PRKG1: variants seen among roughly 807,000 people sequenced by gnomAD.
PRKG1 encodes the protein protein kinase cGMP-dependent 1, also known as cGMP-dependent protein kinase 1.
PRKG1 carries 35 observed loss-of-function variants against 88.1 expected under a neutral mutation model. The observed-to-expected ratio is 0.40, with a 90% CI of 0.30 to 0.53. The LOEUF (loss-of-function observed/expected upper bound fraction) is 0.53. Among genes scored for constraint, PRKG1 ranks in the 20% least tolerant of loss-of-function variants. The probability of loss-of-function intolerance (pLI) is 0.59; values close to 1 mark genes in which losing one functional copy is unlikely to be tolerated. For missense variants in PRKG1, 540 were observed against 839.8 expected, an observed-to-expected ratio of 0.64 and a Z score of 4.41; for synonymous variants, 303 against 292.5, an observed-to-expected ratio of 1.04 and a Z score of -0.37.
chr10:51,018,097 C>T (rs1257916075), intron 1 of PRKG1, among the ~76,000 whole-genome samples: 2 of 152,158 alleles, frequency 1.3e-5, no homozygotes, highest in Non-Finnish European at 2.9e-5. Context: ...GTTGGGATTA[C>T]AGGCATGAGC....
At chr10:51,324,571 CAAAA>C (rs34429733) in intron 2 of PRKG1, among the ~76,000 whole-genome samples, 3 of 84,434 alleles carry the variant, frequency 3.6e-5, no homozygotes, top group South Asian at 8.7e-4. Context: ...ACTAAAAATA[CAAAA>C]AAAAAAAAAA....
rs60587885 is a variant in PRKG1 at position 51,908,733 on chromosome 10, A to ATATATATATAT, written c.762+1163_762+1164insTATATATATAT. 4.6e-4 allele frequency: 61 copies of ATATATATATAT among 131,620 alleles called. 1 individual carries two copies. Among genetic ancestry groups the ATATATATATAT allele is most frequent in the Middle Eastern group, 3.9e-3 (1 of 258 alleles). 8.2% of individuals were successfully genotyped at this position (131,620 alleles called of 1,614,324 possible). A position where few individuals can be genotyped will look rare whatever the true frequency, so the allele number is the denominator to read the frequency against. On this transcript the variant is annotated intron_variant, in intron 5 of 17. Transcript: ENST00000373980. ...TCTCTCTGTCTATCTATCTATATGT[A>ATATATATATAT]ATTTTTTTTTTTTTGAGACAGTGTC...
intron 5 of PRKG1, among the ~76,000 whole-genome samples, chr10:52,038,683 G>C (rs1845679962): frequency 6.6e-6 from 1 of 152,118 alleles, no homozygotes; most frequent in Non-Finnish European, 1.5e-5. Flanking sequence ...AAGGGTGAAG[G>C]ACCAAGGCAG....
At chr10:51,255,898 G>C (rs1177341020) in intron 2 of PRKG1, among the ~76,000 whole-genome samples, 4 of 152,088 alleles carry the variant, frequency 2.6e-5, no homozygotes, top group East Asian at 1.9e-4. Flanking sequence ...ATGTTCTGTA[G>C]ATAATCATCC....
intron 3 of PRKG1, among the ~76,000 whole-genome samples, chr10:51,646,855 G>A (rs1396593124): frequency 2.0e-5 from 3 of 151,974 alleles, no homozygotes; most frequent in Non-Finnish European, 4.4e-5. Flanking sequence ...ATTATTCAAA[G>A]TACTTATATA....
intron 9 of PRKG1, among the ~76,000 whole-genome samples, chr10:52,171,815 A>G (rs1311455500): frequency 8.2e-4 from 28 of 34,352 alleles, no homozygotes; most frequent in African/African-American, 7.9e-3. Context: ...TTTTTTTTTG[A>G]GACGGAGTCT....
chr10:51,957,828 G>C (rs546425989), intron 5 of PRKG1, among the ~76,000 whole-genome samples: 2 of 152,222 alleles, frequency 1.3e-5, no homozygotes, highest in South Asian at 4.1e-4. Flanking sequence ...AATAGTGTAG[G>C]ACATATAGTT....
At chr10:51,149,468 T>C (rs546036060) in intron 1 of PRKG1, among the ~76,000 whole-genome samples, 10 of 152,290 alleles carry the variant, frequency 6.6e-5, no homozygotes, top group Admixed American at 6.5e-4. Flanking sequence ...CAAGTATTTT[T>C]TCTTTACATT....
In PRKG1 at chr10:52,098,782, G is replaced by A. The variant is rs1387330245; in HGVS notation, c.936-35058G>A. On this transcript the variant is annotated intron_variant, in intron 7 of 17. Coordinates refer to ENST00000373980, the MANE Select transcript of PRKG1 (RefSeq NM_006258.4). Reference sequence around the variant, plus strand: ...ACCTAAATGAGTGTTAGGAGGATGAGTAGCCCTTCATTCCCAATCCCTGAA... The same window carrying A: ...ACCTAAATGAGTGTTAGGAGGATGAATAGCCCTTCATTCCCAATCCCTGAA... 2.0e-5 allele frequency among the ~76,000 whole-genome samples: 3 copies of A among 152,190 alleles called. No homozygotes were observed. In the East Asian group the frequency reaches 5.8e-4, roughly 29 times the overall value.
chr10:52,151,723 G>A (rs1837932481), intron 8 of PRKG1, among the ~76,000 whole-genome samples: 1 of 152,128 alleles, frequency 6.6e-6, no homozygotes, highest in Non-Finnish European at 1.5e-5. Flanking sequence ...TTAAGGAAAA[G>A]GAAACATATA....
rs1460624484 is a variant in PRKG1, at chr10:50,991,610, C to T, written c.232C>T (p.Arg78Ter). The stretch of plus-strand genomic sequence containing the variant: ...GACGTACAGGTCCTTCCACGACCTC[C>T]GACAGGCATTCCGGAAGTTCACCAA... The change falls in exon 1 of 18, where the codon CGA (arginine) becomes TGA (stop). Residue 78 changes from arginine (R) to a stop codon, truncating the protein, a stop_gained. Coordinates refer to the PRKG1 transcript ENST00000401604. LOFTEE classifies it high-confidence loss of function. The surrounding 1 kb of genome is among the most constrained non-coding windows in gnomAD (Gnocchi z 4.5). 6.4e-7 allele frequency: 1 copy of T among 1,561,790 alleles called. No individual in the cohort carries two copies. The highest frequency in any genetic ancestry group is 1.2e-5 in the South Asian group (1 of 84,884).
At chr10:52,072,968 C>A (rs936945445) in intron 7 of PRKG1, among the ~76,000 whole-genome samples, 4 of 152,202 alleles carry the variant, frequency 2.6e-5, no homozygotes, top group Non-Finnish European at 4.4e-5. Context: ...GCAATTTATT[C>A]TTTCACAGGT....
intron 3 of PRKG1, among the ~76,000 whole-genome samples, chr10:51,781,355 G>A (rs907354188): frequency 5.3e-5 from 8 of 152,096 alleles, no homozygotes; most frequent in Admixed American, 5.2e-4. Flanking sequence ...AAGCTTTCGT[G>A]TTATGTTGTC....
intron 2 of PRKG1, among the ~76,000 whole-genome samples, chr10:51,162,535 T>A (rs1302564291): frequency 6.6e-6 from 1 of 152,182 alleles, no homozygotes; most frequent in Non-Finnish European, 1.5e-5. Flanking sequence ...AATTCACACT[T>A]TATGTGTATT....
chr10:51,935,969 C>T (rs1427718505), intron 5 of PRKG1, among the ~76,000 whole-genome samples: 1 of 152,068 alleles, frequency 6.6e-6, no homozygotes, highest in East Asian at 1.9e-4. Context: ...GCCACCCCTC[C>T]TATAATCTCT....
At chr10:51,491,694 T>C (rs1219384767) in intron 3 of PRKG1, among the ~76,000 whole-genome samples, 1 of 152,102 alleles carries the variant, frequency 6.6e-6, no homozygotes, top group Non-Finnish European at 1.5e-5. Context: ...TTAGCAATAT[T>C]TTTCATGTCT....
chr10:51,490,357 G>A (rs1046998955), intron 3 of PRKG1, among the ~76,000 whole-genome samples: 9 of 152,028 alleles, frequency 5.9e-5, no homozygotes, highest in African/African-American at 9.7e-5. Context: ...TATTTAGCAC[G>A]TACTATAATG....
chr10:51,898,678 C>T (rs992338633), intron 4 of PRKG1, among the ~76,000 whole-genome samples: 5 of 152,010 alleles, frequency 3.3e-5, no homozygotes, highest in Admixed American at 1.3e-4. Flanking sequence ...CTTCAAAAAA[C>T]TGGTGGCACA....
At chr10:52,281,033 G>C in intron 13 of PRKG1, 103 bp downstream of exon 13, 2 of 1,350,914 alleles carry the variant, frequency 1.5e-6, no homozygotes, top group Non-Finnish European at 2.0e-6. Flanking sequence ...CCTTTTCAAT[G>C]TTGTAACTTT....
Sources: allele counts gnomAD v4.1 joint callset (sites outside exome capture counted in the v4.1 genomes callset), GRCh38; gene constraint gnomAD v4.1.1; non-coding constraint Gnocchi (gnomAD v3.1); transcripts MANE v1.5; gene names NCBI Gene and HGNC (gene_info 2026-07-23, HGNC 2026-07-21).